Variants in RALGAPA2 observed in about 807,000 individuals in gnomAD.
RALGAPA2 encodes Ral GTPase activating protein catalytic subunit alpha 2, also known as ral GTPase-activating protein subunit alpha-2.
In RALGAPA2, 139 loss-of-function variants were observed where a neutral mutation model predicts 230.4. That is an observed-to-expected ratio of 0.60 (90% CI 0.53 to 0.69). The LOEUF (loss-of-function observed/expected upper bound fraction) is 0.69, where lower values mean the gene tolerates loss of function less well. Among genes scored for constraint, RALGAPA2 ranks in the 30% least tolerant of loss-of-function variants. The probability of loss-of-function intolerance (pLI) is 0.00; values close to 1 mark genes in which losing one functional copy is unlikely to be tolerated. For synonymous variants in RALGAPA2, 847 were observed against 837.8 expected, an observed-to-expected ratio of 1.01 and a Z score of -0.19; for missense variants, 2,163 against 2,276.0, an observed-to-expected ratio of 0.95 and a Z score of 1.01.
chr20:20,471,137 T>C (rs2061530906), intron 37 of RALGAPA2: 2 of 152,222 alleles, frequency 1.3e-5, no homozygotes, highest in Non-Finnish European at 2.9e-5. Context: ...ATAGCATCAG[T>C]AGCCCTAGCT....
chr20:20,657,510 A>G (rs1039940597), intron 3 of RALGAPA2, among the ~76,000 whole-genome samples: 2 of 152,188 alleles, frequency 1.3e-5, no homozygotes, highest in Non-Finnish European at 2.9e-5. Context: ...TTCTCATCAC[A>G]TTGGAAAGCT....
chr20:20,640,707 C>T lies in RALGAPA2; in HGVS notation c.544G>A (p.Ala182Thr), dbSNP rs775037695. 2 of 1,609,020 alleles carry T rather than the reference C, an allele frequency of 1.2e-6. No individual in the cohort carries two copies. The highest frequency in any genetic ancestry group is 1.7e-6 in the Non-Finnish European group (2 of 1,176,816). The change falls in exon 6 of 40, where the codon GCT (alanine) becomes ACT (threonine). Residue 182 changes from alanine (A) to threonine (T), a missense_variant. Transcript: ENST00000202677. Reference sequence around the variant, plus strand: ...ATCTGCTAACATAACTTACCATCAGCTACACTAGGGCTGGGATTGATGAGT... The same window carrying T: ...ATCTGCTAACATAACTTACCATCAGTTACACTAGGGCTGGGATTGATGAGT... The part of the protein sequence containing the change: ...ETLINPSPSV[A>T]DVKIYPEEIT...
chr20:20,456,919 A>G (rs1443419614), intron 37 of RALGAPA2, among the ~76,000 whole-genome samples: 1 of 152,132 alleles, frequency 6.6e-6, no homozygotes, highest in Non-Finnish European at 1.5e-5. Context: ...CCTGGACTCA[A>G]GTGATCCTCC....
intron 16 of RALGAPA2, among the ~76,000 whole-genome samples, chr20:20,596,102 A>G (rs1255170698): frequency 6.6e-6 from 1 of 152,234 alleles, no homozygotes; most frequent in Non-Finnish European, 1.5e-5. Flanking sequence ...GTAGCTATTC[A>G]TATTAATGGA....
intron 9 of RALGAPA2, among the ~76,000 whole-genome samples, chr20:20,634,519 G>A (rs1276696436): frequency 2.0e-5 from 3 of 152,152 alleles, no homozygotes; most frequent in African/African-American, 7.2e-5. Context: ...GGAGCCGCAT[G>A]CTCTAGACTG....
intron 23 of RALGAPA2, among the ~76,000 whole-genome samples, chr20:20,553,641 A>G (rs1220443493): frequency 6.6e-6 from 1 of 152,218 alleles, no homozygotes; most frequent in Non-Finnish European, 1.5e-5. Context: ...CCTTGACAGC[A>G]GCATGCTTTA....
intron 37 of RALGAPA2, among the ~76,000 whole-genome samples, chr20:20,449,670 T>C (rs992257905): frequency 1.6e-4 from 25 of 152,322 alleles, no homozygotes; most frequent in African/African-American, 5.5e-4. Flanking sequence ...CGGACCTAAT[T>C]AGCTTGTGAT....
At chr20:20,430,301 G>T (rs1238347095) in intron 37 of RALGAPA2, among the ~76,000 whole-genome samples, 2 of 152,214 alleles carry the variant, frequency 1.3e-5, no homozygotes, top group African/African-American at 4.8e-5. Flanking sequence ...GGGCAGGCCT[G>T]GATCTCAGTG....
Position 20,512,724 on chromosome 20 carries a change from G to T in RALGAPA2, c.4645C>A (p.Pro1549Thr). 2 of 1,613,934 alleles carry T rather than the reference G, an allele frequency of 1.2e-6. No individual in the cohort carries two copies. Among genetic ancestry groups the T allele is most frequent in the Non-Finnish European group, 1.7e-6 (2 of 1,179,820 alleles). The change falls in exon 32 of 40, where the codon CCA becomes ACA. Residue 1549 changes from proline to threonine, a missense_variant. By Grantham distance (38) the Pro-to-Thr change is conservative (BLOSUM62 -1). Transcript: ENST00000202677. ...QLNLNEPSLT[P>T]CGMNYDQEKE... is the part of the protein sequence containing the mutation. The stretch of plus-strand genomic sequence containing the variant: ...TCTTGGTCATAGTTCATGCCACATG[G>T]GGTTAGGGAAGGTTCATTTAGATTT...
intron 4 of RALGAPA2, among the ~76,000 whole-genome samples, chr20:20,645,407 C>T (rs1386467869): frequency 6.6e-6 from 1 of 151,938 alleles, no homozygotes. Flanking sequence ...AACCACCGTG[C>T]CCGGCCGTTA....
At chr20:20,562,084 G>T (rs2064271973) in intron 23 of RALGAPA2, among the ~76,000 whole-genome samples, 1 of 152,148 alleles carries the variant, frequency 6.6e-6, no homozygotes, top group South Asian at 2.1e-4. Context: ...GATAGTTGGA[G>T]CCAAAATTGC....
intron 3 of RALGAPA2, among the ~76,000 whole-genome samples, chr20:20,654,260 C>T (rs907934829): frequency 1.3e-5 from 2 of 152,176 alleles, no homozygotes; most frequent in Non-Finnish European, 2.9e-5. Context: ...GTGATTTCAG[C>T]TCACTGCAAC....
chr20:20,458,714 CTA>C (rs1424204818), intron 37 of RALGAPA2, among the ~76,000 whole-genome samples: 168 of 107,682 alleles, frequency 1.6e-3, no homozygotes, highest in African/African-American at 3.5e-3. Flanking sequence ...ACACACACAC[CTA>C]TATATATATA....
At chr20:20,624,543 T>C in intron 10 of RALGAPA2, among the ~76,000 whole-genome samples, 1 of 152,074 alleles carries the variant, frequency 6.6e-6, no homozygotes, top group East Asian at 1.9e-4. Flanking sequence ...ATTAGGATTC[T>C]GAAATCAACT....
chr20:20,511,660 A>G (rs569933262), intron 32 of RALGAPA2, among the ~76,000 whole-genome samples: 1 of 152,106 alleles, frequency 6.6e-6, no homozygotes, highest in Admixed American at 6.5e-5. Flanking sequence ...ACTCCACTCC[A>G]CTATCAGGGT....
At chr20:20,402,022 T>C (rs1444966552) in intron 38 of RALGAPA2, among the ~76,000 whole-genome samples, 2 of 152,144 alleles carry the variant, frequency 1.3e-5, no homozygotes, top group East Asian at 3.9e-4. Context: ...TCTCCCCCAC[T>C]GGGTTGTTCA....
At chr20:20,689,077 T>C (rs1330284168) in intron 1 of RALGAPA2, among the ~76,000 whole-genome samples, 1 of 152,212 alleles carries the variant, frequency 6.6e-6, no homozygotes, top group Non-Finnish European at 1.5e-5. Flanking sequence ...TTATATACCA[T>C]CTATTATATA....
At chr20:20,666,974 T>C (rs1231123610) in intron 3 of RALGAPA2, among the ~76,000 whole-genome samples, 1 of 152,178 alleles carries the variant, frequency 6.6e-6, no homozygotes, top group African/African-American at 2.4e-5. Context: ...AATCTCAGAA[T>C]TGTTTGTAAT....
intron 37 of RALGAPA2, among the ~76,000 whole-genome samples, chr20:20,413,974 C>G (rs2122786898): frequency 6.6e-6 from 1 of 152,372 alleles, no homozygotes; most frequent in African/African-American, 2.4e-5. Flanking sequence ...CACACTTATT[C>G]TGCACAGCAC....
Sources: allele counts gnomAD v4.1 joint callset (sites outside exome capture counted in the v4.1 genomes callset), GRCh38; gene constraint gnomAD v4.1.1; transcripts MANE v1.5; gene names NCBI Gene and HGNC (gene_info 2026-07-23, HGNC 2026-07-21).